ATRX: variants seen among roughly 807,000 people sequenced by gnomAD.
ATRX encodes the protein chromatin remodeler ATRX.
ATRX carries 12 observed loss-of-function variants against 172.6 expected under a neutral mutation model. The observed-to-expected ratio is 0.07, with a 90% CI of 0.04 to 0.11. The LOEUF (loss-of-function observed/expected upper bound fraction) is 0.11, where lower values mean the gene tolerates loss of function less well. ATRX is among the 10% of genes least tolerant of loss of function. The pLI, the probability that ATRX is intolerant of heterozygous loss-of-function variation, is 1.00. For missense variants in ATRX, 1,368 were observed against 1,767.4 expected (o/e 0.77, Z 4.05); for synonymous variants, 674 against 594.7 (o/e 1.13, Z -1.94).
intron 2 of ATRX, among the ~76,000 whole-genome samples, chrX:77,701,792 G>A (rs138705233): frequency 2.7e-4 from 30 of 112,081 alleles, no homozygotes; most frequent in African/African-American, 9.7e-4. Flanking sequence ...AGGGCCAGGC[G>A]CGGTGGCTGA....
At chrX:77,541,938 A>T (rs2064014456) in intron 30 of ATRX, among the ~76,000 whole-genome samples, 1 of 111,714 alleles carries the variant, frequency 9.0e-6, no homozygotes, top group Non-Finnish European at 1.9e-5. Context: ...CATCACTCCT[A>T]TTCAACATAG....
chrX:77,624,934 A>G (rs1307750114), intron 19 of ATRX, among the ~76,000 whole-genome samples: 2 of 111,817 alleles, frequency 1.8e-5, no homozygotes, highest in African/African-American at 6.5e-5. Flanking sequence ...CGCATAGCCA[A>G]AGCAAGACTA....
chrX:77,527,161 C>G (rs977712432), intron 30 of ATRX, among the ~76,000 whole-genome samples: 1 of 112,108 alleles, frequency 8.9e-6, no homozygotes, highest in South Asian at 3.7e-4. Flanking sequence ...TATTCCTCCA[C>G]ACATTGACAC....
At chrX:77,597,669 C>T (rs191409301) in intron 25 of ATRX, among the ~76,000 whole-genome samples, 1 of 111,681 alleles carries the variant, frequency 9.0e-6, no homozygotes, top group East Asian at 2.8e-4. Context: ...AGAGAACATA[C>T]AAGCAGCCAA....
At chrX:77,629,351 T>A (rs1294108469) in intron 19 of ATRX, among the ~76,000 whole-genome samples, 1 of 112,386 alleles carries the variant, frequency 8.9e-6, no homozygotes, top group Non-Finnish European at 1.9e-5. Flanking sequence ...CTAATAAATT[T>A]AGAAGTACTG....
intron 27 of ATRX, among the ~76,000 whole-genome samples, chrX:77,576,272 T>C (rs782626915): frequency 2.7e-5 from 3 of 111,380 alleles, no homozygotes; most frequent in African/African-American, 9.8e-5. Flanking sequence ...AGTAAATTGG[T>C]ATGTTTTTGT....
At chrX:77,728,977 G>C (rs1368116260) in intron 1 of ATRX, among the ~76,000 whole-genome samples, 1 of 108,123 alleles carries the variant, frequency 9.2e-6, no homozygotes, top group Non-Finnish European at 1.9e-5. Flanking sequence ...GGCCAGGCTG[G>C]TCTTGAACTC....
chrX:77,545,070 T>C (rs1251885702), intron 30 of ATRX, among the ~76,000 whole-genome samples: 5 of 112,411 alleles, frequency 4.4e-5, no homozygotes, highest in African/African-American at 1.6e-4. Flanking sequence ...AACCATAATC[T>C]AGCTTTTCAA....
At chrX:77,757,523 G>C (rs932735948) in intron 1 of ATRX, among the ~76,000 whole-genome samples, 1 of 111,560 alleles carries the variant, frequency 9.0e-6, no homozygotes. Context: ...TCTCTAAATA[G>C]ATAATAAATA....
chrX:77,603,779 T>C (rs1319285189), intron 22 of ATRX, among the ~76,000 whole-genome samples: 4 of 111,387 alleles, frequency 3.6e-5, no homozygotes, highest in Non-Finnish European at 5.7e-5. Flanking sequence ...GGTATAAAAA[T>C]AGACACAAAG....
At chrX:77,771,445 T>A (rs933274462) in intron 1 of ATRX, among the ~76,000 whole-genome samples, 16 of 109,015 alleles carry the variant, frequency 1.5e-4, no homozygotes, top group Non-Finnish European at 5.7e-5. Flanking sequence ...CCTCCCATAT[T>A]CTCTCCAATC....
chrX:77,658,197 C>T (rs1557120764), intron 12 of ATRX, among the ~76,000 whole-genome samples: 1 of 111,530 alleles, frequency 9.0e-6, no homozygotes, highest in Non-Finnish European at 1.9e-5. Context: ...GGCAACAGAG[C>T]GAGGTCTTCT....
intron 1 of ATRX, among the ~76,000 whole-genome samples, chrX:77,729,104 C>G (rs2074182491): frequency 1.0e-5 from 1 of 98,995 alleles, no homozygotes; most frequent in Non-Finnish European, 2.0e-5. Flanking sequence ...AGAAAGTTAT[C>G]TGCCAGATGC....
At chrX:77,566,325 G>A (rs1557064528) in intron 28 of ATRX, among the ~76,000 whole-genome samples, 2 of 112,018 alleles carry the variant, frequency 1.8e-5, no homozygotes, top group African/African-American at 6.5e-5. Flanking sequence ...TAAGAAACCA[G>A]GGAGACGAGA....
At chrX:77,773,152 T>C (rs1009025044) in intron 1 of ATRX, among the ~76,000 whole-genome samples, 1 of 100,235 alleles carries the variant, frequency 1.0e-5, no homozygotes, top group Non-Finnish European at 2.0e-5. Context: ...TTGGATGCAC[T>C]ATAGTATAGT....
intron 28 of ATRX, among the ~76,000 whole-genome samples, chrX:77,572,076 GT>G (rs1370275337): frequency 9.0e-6 from 1 of 111,086 alleles, no homozygotes; most frequent in Non-Finnish European, 1.9e-5. Flanking sequence ...TTTTCATTTT[GT>G]TTTTTGTTTC....
chrX:77,746,885 C>T (rs1002598294), intron 1 of ATRX, among the ~76,000 whole-genome samples: 1 of 111,014 alleles, frequency 9.0e-6, no homozygotes, highest in Non-Finnish European at 1.9e-5. Context: ...ACTGCAACCT[C>T]CACCTCCCGG....
At chrX:77,519,728 A>T (rs2063166613) in intron 34 of ATRX, among the ~76,000 whole-genome samples, 1 of 111,997 alleles carries the variant, frequency 8.9e-6, no homozygotes, top group Non-Finnish European at 1.9e-5. Flanking sequence ...TAGTACAAGC[A>T]CTATGGAGAA....
At chrX:77,764,781 A>C (rs1246442981) in intron 1 of ATRX, among the ~76,000 whole-genome samples, 2 of 112,289 alleles carry the variant, frequency 1.8e-5, no homozygotes, top group Non-Finnish European at 3.8e-5. Flanking sequence ...ATTGAACTTA[A>C]AACAGTCAAA....
Sources: gnomAD v4.1 joint callset for allele counts (sites outside exome capture counted in the v4.1 genomes callset) on GRCh38, gnomAD v4.1.1 for gene constraint, MANE v1.5 for transcripts, NCBI Gene and HGNC (gene_info 2026-07-23, HGNC 2026-07-21) for gene names.